TMEM131: variants seen among roughly 807,000 people sequenced by gnomAD.
TMEM131 encodes transmembrane protein 131.
Under a neutral mutation model 211.6 loss-of-function variants are expected in TMEM131, and 66 were observed. The observed-to-expected ratio is 0.31, with a 90% CI of 0.26 to 0.38. The LOEUF (loss-of-function observed/expected upper bound fraction) is 0.38. Ranked by LOEUF, TMEM131 falls within the 10% of genes least tolerant of loss-of-function variation. The pLI is 1.00. For synonymous variants in TMEM131, 844 were observed against 841.3 expected (o/e 1.00, Z -0.06); for missense variants, 2,036 against 2,299.3 (o/e 0.89, Z 2.34).
Position 97,893,220 on chromosome 2 carries a change from C to T in TMEM131, c.291-5100G>A, listed in dbSNP as rs531611869. Among the ~76,000 whole-genome samples, 4 of 152,334 alleles carry T rather than the reference C, an allele frequency of 2.6e-5. No individual in the cohort carries two copies. The South Asian group carries it at 8.3e-4, about 32-fold the overall frequency. On this transcript the variant is annotated intron_variant, in intron 3 of 40. Coordinates refer to ENST00000186436, the MANE Select transcript of TMEM131 (RefSeq NM_015348.2). ...TCCATGTCCCTGCAAAGGGCATGAA[C>T]TCACCCTTTTTAATGGCTGCATAGT...
At chr2:97,757,545 GA>G (rs1395687981) in intron 40 of TMEM131, among the ~76,000 whole-genome samples, 162 bp from the exon 41 acceptor site, 1 of 152,160 alleles carries the variant, frequency 6.6e-6, no homozygotes, top group Non-Finnish European at 1.5e-5. Context: ...AGATGTTTCT[GA>G]TTTTTTTGAG....
intron 2 of TMEM131, among the ~76,000 whole-genome samples, chr2:97,909,992 A>C (rs529111772): frequency 1.6e-4 from 24 of 152,320 alleles, no homozygotes; most frequent in Non-Finnish European, 2.4e-4. Context: ...ATATCTGATG[A>C]GATTAATATC....
chr2:97,948,652 CTTTT>C (rs137894541), intron 1 of TMEM131, among the ~76,000 whole-genome samples: 3 of 149,322 alleles, frequency 2.0e-5, no homozygotes, highest in Non-Finnish European at 4.5e-5. Context: ...TCAGTAGTTT[CTTTT>C]TTTTTTATTT....
At chr2:97,820,822 CT>C (rs1453229085) in intron 11 of TMEM131, among the ~76,000 whole-genome samples, 2 of 151,672 alleles carry the variant, frequency 1.3e-5, no homozygotes, top group African/African-American at 4.8e-5. Context: ...GGACACTGCA[CT>C]CCAGCCTGGG....
At chr2:97,857,383 A>G (rs1261718444) in intron 5 of TMEM131, among the ~76,000 whole-genome samples, 2 of 152,158 alleles carry the variant, frequency 1.3e-5, no homozygotes, top group African/African-American at 4.8e-5. Flanking sequence ...AGCCCAGTTT[A>G]AGAATCTGTT....
At chr2:97,937,186 C>G (rs1411292718) in intron 1 of TMEM131, among the ~76,000 whole-genome samples, 1 of 151,970 alleles carries the variant, frequency 6.6e-6, no homozygotes, top group East Asian at 1.9e-4. Context: ...AGTATGAGAA[C>G]AACGCTTCAC....
intron 5 of TMEM131, among the ~76,000 whole-genome samples, chr2:97,844,612 A>G (rs1307421247): frequency 6.6e-6 from 1 of 152,164 alleles, no homozygotes; most frequent in Non-Finnish European, 1.5e-5. Flanking sequence ...ATACTGCTGT[A>G]CTACTAAGCA....
chr2:97,905,492 C>G (rs1433079645), intron 3 of TMEM131, among the ~76,000 whole-genome samples: 1 of 152,162 alleles, frequency 6.6e-6, no homozygotes, highest in Non-Finnish European at 1.5e-5. Flanking sequence ...CCTAGGAACT[C>G]ACTTAGACAT....
At chr2:97,774,512 A>G (rs1573338252) in intron 32 of TMEM131, among the ~76,000 whole-genome samples, 1 of 152,366 alleles carries the variant, frequency 6.6e-6, no homozygotes, top group East Asian at 1.9e-4. Context: ...ACAGGGTAGT[A>G]ACCAGACAAG....
chr2:97,871,353 T>A (rs1045287378), intron 4 of TMEM131, among the ~76,000 whole-genome samples: 7 of 152,202 alleles, frequency 4.6e-5, no homozygotes, highest in Admixed American at 2.0e-4. Context: ...GTTTATAGTT[T>A]AACATTAAAG....
chr2:97,834,778 T>C lies in TMEM131; in HGVS notation c.952A>G (p.Thr318Ala). 3 of 1,613,522 alleles carry C rather than the reference T, an allele frequency of 1.9e-6. No individual in the cohort carries two copies. The highest frequency in any genetic ancestry group is 2.5e-6 in the Non-Finnish European group (3 of 1,179,698). ...ATTTCATCAGTTTTCCACTAACCTG[T>C]TGTAACTTCAACCTCAACAGGAAGA... ...IILPVEVEVTTAPGIYSSTEM... is the reference protein window; with the variant it reads ...IILPVEVEVTAAPGIYSSTEM... Residue 318 changes from threonine to alanine, a missense_variant, in exon 9 of 41, where the codon ACA (threonine) becomes GCA (alanine). Physicochemically the swap from Thr to Ala is moderately conservative, Grantham distance 58. Coordinates refer to ENST00000186436, the MANE Select transcript of TMEM131 (RefSeq NM_015348.2).
chr2:97,927,610 G>T, intron 1 of TMEM131, 123 bp from the exon 2 acceptor site: 5 of 649,420 alleles, frequency 7.7e-6, no homozygotes, highest in Non-Finnish European at 1.2e-5. Flanking sequence ...AATGGTGATG[G>T]TTGAAAAGAA....
intron 3 of TMEM131, among the ~76,000 whole-genome samples, chr2:97,890,744 T>C (rs1675343735): frequency 1.3e-5 from 2 of 152,236 alleles, no homozygotes; most frequent in South Asian, 4.1e-4. Flanking sequence ...TCTTGGATGA[T>C]CACTGTAGAC....
At chr2:97,850,557 T>C (rs147727476) in intron 5 of TMEM131, among the ~76,000 whole-genome samples, 74 of 152,220 alleles carry the variant, frequency 4.9e-4, no homozygotes, top group African/African-American at 1.5e-3. Context: ...GACTGTAACA[T>C]GGGTCTCAAT....
intron 3 of TMEM131, among the ~76,000 whole-genome samples, chr2:97,897,836 T>G (rs1232790632): frequency 6.6e-6 from 1 of 152,178 alleles, no homozygotes; most frequent in Non-Finnish European, 1.5e-5. Context: ...TTTAGTCATA[T>G]GAGCCTGCAG....
intron 11 of TMEM131, among the ~76,000 whole-genome samples, chr2:97,823,624 G>T (rs1573415740): frequency 6.6e-6 from 1 of 152,266 alleles, no homozygotes; most frequent in East Asian, 1.9e-4. Context: ...TGCCCACTGG[G>T]ATCTAGACTC....
At chr2:97,799,691 T>C (rs62154513) in intron 25 of TMEM131, among the ~76,000 whole-genome samples, 8,088 of 152,296 alleles carry the variant, frequency 0.053, 312 homozygotes, top group Middle Eastern at 0.12. Flanking sequence ...TTTTGGATAG[T>C]GCATAGTGAA....
chr2:97,762,006 G>A (rs760375929), intron 36 of TMEM131, 29 bp downstream of exon 36: 2 of 1,530,020 alleles, frequency 1.3e-6, no homozygotes, highest in East Asian at 2.3e-5. Flanking sequence ...ATTTCAAGCT[G>A]AGAACCGGAA....
intron 4 of TMEM131, among the ~76,000 whole-genome samples, chr2:97,870,908 G>A (rs921854360): frequency 6.6e-6 from 1 of 152,222 alleles, no homozygotes; most frequent in Non-Finnish European, 1.5e-5. Context: ...AGATTGGGTA[G>A]GTAGGAATTG....
Sources: gnomAD v4.1 joint callset for allele counts (sites outside exome capture counted in the v4.1 genomes callset) on GRCh38, gnomAD v4.1.1 for gene constraint, MANE v1.5 for transcripts, NCBI Gene and HGNC (gene_info 2026-07-23, HGNC 2026-07-21) for gene names.